Variants in RPF1 observed in about 807,000 individuals in gnomAD.
The protein encoded by RPF1 is ribosome production factor 1.
Under a neutral mutation model 41.9 loss-of-function variants are expected in RPF1, and 34 were observed. That is an observed-to-expected ratio of 0.81 (90% CI 0.62 to 1.08). RPF1 has a LOEUF of 1.08. Among genes scored for constraint, RPF1 ranks in the 50% least tolerant of loss-of-function variants. RPF1 has a pLI of 0.00. For synonymous variants in RPF1, 140 were observed against 148.9 expected (o/e 0.94, Z 0.43); for missense variants, 425 against 435.2 (o/e 0.98, Z 0.21).
chr1:84,492,010 A>C (rs1166295087), intron 5 of RPF1, among the ~76,000 whole-genome samples: 2 of 152,068 alleles, frequency 1.3e-5, no homozygotes, highest in Non-Finnish European at 2.9e-5. Context: ...AAAATACAAA[A>C]ATTAGTTGGG....
intron 1 of RPF1, among the ~76,000 whole-genome samples, 193 bp downstream of exon 1, chr1:84,479,702 C>T (rs1253343560): frequency 6.6e-6 from 1 of 152,222 alleles, no homozygotes; most frequent in Admixed American, 6.5e-5. Context: ...AGCCTTTTGC[C>T]TGAGCGTCAA....
intron 3 of RPF1, among the ~76,000 whole-genome samples, chr1:84,485,640 T>C (rs1228995476): frequency 6.6e-6 from 1 of 152,238 alleles, no homozygotes; most frequent in African/African-American, 2.4e-5. Flanking sequence ...AAGAGTCACC[T>C]GATAATTTTC....
intron 2 of RPF1, among the ~76,000 whole-genome samples, chr1:84,482,378 T>TTTGC (rs1275665889): frequency 1.3e-5 from 2 of 152,198 alleles, no homozygotes; most frequent in Non-Finnish European, 2.9e-5. Context: ...ATTTGCCCTG[T>TTTGC]TTGCTGTTTA....
At chr1:84,480,240 G>A (rs1681619366) in intron 1 of RPF1, among the ~76,000 whole-genome samples, 1 of 152,170 alleles carries the variant, frequency 6.6e-6, no homozygotes, top group Admixed American at 6.5e-5. Context: ...CATACAAGGG[G>A]CGTTTAACTC....
chr1:84,488,536 T>C (rs547869155), intron 3 of RPF1, among the ~76,000 whole-genome samples: 1 of 152,260 alleles, frequency 6.6e-6, no homozygotes, highest in African/African-American at 2.4e-5. Context: ...TTTTCTTATT[T>C]TGACCCATTT....
intron 2 of RPF1, among the ~76,000 whole-genome samples, chr1:84,481,683 A>T (rs1418187860): frequency 6.6e-6 from 1 of 152,184 alleles, no homozygotes; most frequent in Non-Finnish European, 1.5e-5. Flanking sequence ...TATTGAAAAA[A>T]TTTTTTAAAC....
At chr1:84,493,768 G>A (rs1681880504) in intron 5 of RPF1, among the ~76,000 whole-genome samples, 1 of 152,294 alleles carries the variant, frequency 6.6e-6, no homozygotes, top group East Asian at 1.9e-4. Flanking sequence ...CATAATAGAT[G>A]AGTAAAACGT....
intron 3 of RPF1, among the ~76,000 whole-genome samples, chr1:84,487,793 CT>C (rs1445487362): frequency 2.6e-5 from 4 of 152,042 alleles, no homozygotes; most frequent in Non-Finnish European, 5.9e-5. Flanking sequence ...TCCTTCCTGT[CT>C]CCCCAACCTG....
intron 5 of RPF1, among the ~76,000 whole-genome samples, chr1:84,490,823 T>C (rs1467375784): frequency 1.3e-5 from 2 of 152,154 alleles, no homozygotes; most frequent in Non-Finnish European, 2.9e-5. Context: ...GTGGGGACCC[T>C]GTGACTGGTA....
chr1:84,480,425 C>G (rs1005872848), intron 1 of RPF1, among the ~76,000 whole-genome samples: 2 of 152,146 alleles, frequency 1.3e-5, no homozygotes, highest in Admixed American at 1.3e-4. Context: ...ATTGACAATA[C>G]AAATACAGAT....
At position 84,496,291 on chromosome 1, in the gene RPF1, C is replaced by T. The variant is rs1192601081; in HGVS notation, c.929C>T (p.Pro310Leu). Residue 310 changes from proline to leucine, a missense_variant, in exon 8 of 9, where the codon CCA becomes CTA. Physicochemically the swap from Pro to Leu is moderately conservative, Grantham distance 98. Transcript: ENST00000370654. The stretch of plus-strand genomic sequence containing the variant: ...AAAGTGGGAATTCAGGAACTTGGAC[C>T]ACGTTTTACCTTAAAATTAAGGTCT... ...EKKVGIQELGPRFTLKLRSLQ... is the reference protein window; with the variant it reads ...EKKVGIQELGLRFTLKLRSLQ... 2 of 1,612,948 alleles carry T rather than the reference C, an allele frequency of 1.2e-6. No individual in the cohort carries two copies. The highest frequency in any genetic ancestry group is 2.2e-5 in the East Asian group (1 of 44,832).
intron 3 of RPF1, among the ~76,000 whole-genome samples, chr1:84,485,051 C>A (rs2101883497): frequency 6.6e-6 from 1 of 152,314 alleles, no homozygotes; most frequent in South Asian, 2.1e-4. Flanking sequence ...GGACCCAAGT[C>A]TGAACACAGC....
Position 84,495,566 on chromosome 1 carries a change from C to T in RPF1, c.699+111C>T, listed in dbSNP as rs1681919181. The stretch of plus-strand genomic sequence containing the variant: ...TTATTTTAATAATGGCATTTGTTCT[C>T]CTGATTAGAGCAGTTTTTAATCTAT... On this transcript the variant is annotated intron_variant, in intron 6 of 8. Coordinates refer to ENST00000370654, the MANE Select transcript of RPF1 (RefSeq NM_025065.7). 12 of 615,614 alleles carry T rather than the reference C, an allele frequency of 1.9e-5. No homozygotes were observed. In the South Asian group the frequency reaches 2.8e-4, roughly 14 times the overall value. 38.1% of individuals were successfully genotyped at this position (615,614 alleles called of 1,614,324 possible).
At chr1:84,483,281 T>C in intron 3 of RPF1, 1 of 357,736 alleles carries the variant, frequency 2.8e-6, no homozygotes, top group South Asian at 3.2e-5. Context: ...TTTTTGATTT[T>C]GTTGAGACAG....
At chr1:84,491,252 A>G (rs1274896137) in intron 5 of RPF1, among the ~76,000 whole-genome samples, 2 of 152,182 alleles carry the variant, frequency 1.3e-5, no homozygotes, top group East Asian at 1.9e-4. Context: ...AATGATGGCT[A>G]TGAGTTCAGT....
At chr1:84,490,223 T>A (rs1207610169) in intron 4 of RPF1, 96 bp from the exon 5 acceptor site, 2 of 780,448 alleles carry the variant, frequency 2.6e-6, no homozygotes, top group African/African-American at 3.7e-5. Flanking sequence ...CTATTAATCA[T>A]AATAATTATT....
At chr1:84,492,230 GT>G (rs1314906911) in intron 5 of RPF1, among the ~76,000 whole-genome samples, 1 of 151,968 alleles carries the variant, frequency 6.6e-6, no homozygotes, top group African/African-American at 2.4e-5. Context: ...ACTCCTAATG[GT>G]GACACATGGG....
chr1:84,494,788 A>G (rs1465779744), intron 5 of RPF1, among the ~76,000 whole-genome samples: 2 of 152,204 alleles, frequency 1.3e-5, no homozygotes, highest in South Asian at 2.1e-4. Context: ...GTGAATGGCT[A>G]TTAATTGGTT....
At chr1:84,486,353 C>A (rs1170281841) in intron 3 of RPF1, among the ~76,000 whole-genome samples, 3 of 151,926 alleles carry the variant, frequency 2.0e-5, no homozygotes, top group East Asian at 3.9e-4. Flanking sequence ...TTTGGGAGGC[C>A]GAGACGGGTG....
Sources: allele counts gnomAD v4.1 joint callset (sites outside exome capture counted in the v4.1 genomes callset), GRCh38; gene constraint gnomAD v4.1.1; transcripts MANE v1.5; gene names NCBI Gene and HGNC (gene_info 2026-07-23, HGNC 2026-07-21).